The following ERBB4 variants were observed in gnomAD, a reference collection of about 807,000 sequenced individuals.
ERBB4 encodes erb-b2 receptor tyrosine kinase 4, also known as receptor tyrosine-protein kinase erbB-4.
In ERBB4, 42 loss-of-function variants were observed where a neutral mutation model predicts 158.0. The ratio of observed to expected loss-of-function variants is 0.27; its 90% CI spans 0.21 to 0.34. ERBB4 has a LOEUF of 0.34. ERBB4 is among the 10% of genes least tolerant of loss of function. ERBB4 has a pLI of 1.00. For missense variants in ERBB4, 1,333 were observed against 1,624.1 expected, an observed-to-expected ratio of 0.82 and a Z score of 3.08; for synonymous variants, 583 against 558.7, an observed-to-expected ratio of 1.04 and a Z score of -0.61.
chr2:212,405,493 C>A (rs1452716224), intron 1 of ERBB4, among the ~76,000 whole-genome samples: 1 of 152,044 alleles, frequency 6.6e-6, no homozygotes, highest in Non-Finnish European at 1.5e-5. Context: ...GGTATATACT[C>A]AGAGGAATTT....
At chr2:211,645,757 T>C (rs987990731) in intron 16 of ERBB4, among the ~76,000 whole-genome samples, 9 of 151,784 alleles carry the variant, frequency 5.9e-5, no homozygotes, top group Admixed American at 2.0e-4. Context: ...TATTTTATAA[T>C]GACACTATAA....
At chr2:211,474,475 ATTAACT>A in intron 20 of ERBB4, among the ~76,000 whole-genome samples, 1 of 152,086 alleles carries the variant, frequency 6.6e-6, no homozygotes, top group East Asian at 1.9e-4. Context: ...GGATTTAATA[ATTAACT>A]TTAAAGAAGT....
chr2:211,752,558 G>GT (rs397707034), intron 4 of ERBB4, among the ~76,000 whole-genome samples: 3 of 42,416 alleles, frequency 7.1e-5, no homozygotes, highest in African/African-American at 2.3e-4. Context: ...AGTAAAGAAA[G>GT]AGGAAGGAAG....
chr2:212,538,711 G>C lies in ERBB4; in HGVS notation c.-181C>G. 4.6e-6 allele frequency: 2 copies of C among 433,842 alleles called. No homozygotes were observed. The allele number at this position is 433,842 out of a possible 1,614,324, so 26.9% of individuals were successfully genotyped here. Reference sequence around the variant, plus strand: ...CCGAGTCCGCGCCCGCGGGTCCAGGGCCGGGGCCCGAGGAGGGGGCGAGTG... The same window carrying C: ...CCGAGTCCGCGCCCGCGGGTCCAGGCCCGGGGCCCGAGGAGGGGGCGAGTG... On this transcript the variant is annotated 5_prime_UTR_variant, in exon 1 of 28. Coordinates refer to ENST00000342788, the MANE Select transcript of ERBB4 (RefSeq NM_005235.3).
chr2:211,451,608 G>C lies in ERBB4; in HGVS notation c.2488-20508C>G, dbSNP rs115777883. Among the ~76,000 whole-genome samples, 401 of 152,158 alleles carry C rather than the reference G, an allele frequency of 2.6e-3. 2 individuals are homozygous for C. The highest frequency in any genetic ancestry group is 9.3e-3 in the African/African-American group (385 of 41,542). On this transcript the variant is annotated intron_variant, in intron 20 of 27. Coordinates refer to ENST00000342788, the MANE Select transcript of ERBB4 (RefSeq NM_005235.3). ...CCTAGCTAGGGAAGTGGTGGGGAGG[G>C]AACAGCAAGGGGAGGAAAGGGGAAA... is the stretch of plus-strand genomic sequence containing the variant.
chr2:211,792,083 A>G (rs567625968), intron 3 of ERBB4, among the ~76,000 whole-genome samples: 1 of 151,818 alleles, frequency 6.6e-6, no homozygotes, highest in Non-Finnish European at 1.5e-5. Flanking sequence ...TGTTAGATTT[A>G]ATTGTGTATG....
At chr2:211,878,891 A>C (rs2078587733) in intron 3 of ERBB4, among the ~76,000 whole-genome samples, 1 of 152,306 alleles carries the variant, frequency 6.6e-6, no homozygotes, top group Admixed American at 6.5e-5. Flanking sequence ...GACTAGAGAA[A>C]GTCTTTTAAA....
chr2:212,222,293 C>T (rs1409667857), intron 1 of ERBB4, among the ~76,000 whole-genome samples: 1 of 151,466 alleles, frequency 6.6e-6, no homozygotes, highest in African/African-American at 2.4e-5. Flanking sequence ...AACATTTTTA[C>T]CATTCTAATT....
intron 12 of ERBB4, among the ~76,000 whole-genome samples, chr2:211,688,596 T>C (rs2072669217): frequency 6.6e-6 from 1 of 152,202 alleles, no homozygotes; most frequent in South Asian, 2.1e-4. Flanking sequence ...TCCCTCCCTT[T>C]TGTTATTTCA....
chr2:212,363,907 C>G (rs1431713082), intron 1 of ERBB4, among the ~76,000 whole-genome samples: 1 of 151,586 alleles, frequency 6.6e-6, no homozygotes, highest in Non-Finnish European at 1.5e-5. Flanking sequence ...AGATACCAAA[C>G]AGCTAATGGA....
At chr2:211,547,815 A>G (rs1172444044) in intron 20 of ERBB4, among the ~76,000 whole-genome samples, 1 of 152,130 alleles carries the variant, frequency 6.6e-6, no homozygotes, top group African/African-American at 2.4e-5. Context: ...CACAGTAAAG[A>G]AATTAAGTTC....
At chr2:211,687,221 C>T (rs947490598) in intron 12 of ERBB4, among the ~76,000 whole-genome samples, 5 of 149,328 alleles carry the variant, frequency 3.3e-5, no homozygotes, top group East Asian at 2.0e-4. Flanking sequence ...AGAAGAATGG[C>T]GTGAACCCAG....
intron 20 of ERBB4, among the ~76,000 whole-genome samples, chr2:211,431,728 T>C (rs1368861887): frequency 6.6e-6 from 1 of 152,130 alleles, no homozygotes; most frequent in Admixed American, 6.6e-5. Flanking sequence ...ATTATGAGAA[T>C]CCATAGTGAA....
intron 2 of ERBB4, among the ~76,000 whole-genome samples, chr2:212,099,739 T>A (rs898361923): frequency 4.7e-5 from 6 of 126,926 alleles, no homozygotes; most frequent in African/African-American, 8.5e-5. Flanking sequence ...TTTTACAGTT[T>A]TTTTTTTTTT....
At chr2:212,511,120 T>G in intron 1 of ERBB4, among the ~76,000 whole-genome samples, 1 of 152,184 alleles carries the variant, frequency 6.6e-6, no homozygotes, top group East Asian at 1.9e-4. Flanking sequence ...TTATTTTACC[T>G]GCAAATACAC....
chr2:212,440,377 G>A (rs1037665282), intron 1 of ERBB4, among the ~76,000 whole-genome samples: 1 of 152,184 alleles, frequency 6.6e-6, no homozygotes, highest in African/African-American at 2.4e-5. Context: ...GATGCTTCCT[G>A]CCCTCAAACA....
intron 27 of ERBB4, 134 bp downstream of exon 27, chr2:211,386,719 A>G (rs944931121): frequency 4.0e-6 from 3 of 753,878 alleles, no homozygotes; most frequent in Non-Finnish European, 7.1e-6. Context: ...TACTACAAGT[A>G]GCAGTAGCCT....
chr2:211,750,730 G>T, intron 4 of ERBB4, 26 bp from the exon 5 acceptor site: 1 of 1,598,846 alleles, frequency 6.3e-7, no homozygotes, highest in Non-Finnish European at 8.6e-7. Flanking sequence ...AGGGAAAAAG[G>T]ACATGCACGT....
chr2:212,040,295 G>A (rs923279253), intron 2 of ERBB4, among the ~76,000 whole-genome samples: 14 of 151,576 alleles, frequency 9.2e-5, no homozygotes, highest in African/African-American at 3.2e-4. Flanking sequence ...CTATTATTTG[G>A]TGAATAGAAA....
Sources: allele counts gnomAD v4.1 joint callset (sites outside exome capture counted in the v4.1 genomes callset), GRCh38; gene constraint gnomAD v4.1.1; transcripts MANE v1.5; gene names NCBI Gene and HGNC (gene_info 2026-07-23, HGNC 2026-07-21).